Variants in STAT4 observed in about 807,000 individuals in gnomAD.
The protein encoded by STAT4 is signal transducer and activator of transcription 4.
STAT4 carries 42 observed loss-of-function variants against 110.5 expected under a neutral mutation model. That is an observed-to-expected ratio of 0.38 (90% CI 0.30 to 0.49). STAT4 has a LOEUF of 0.49. Ranked by LOEUF, STAT4 falls within the 20% of genes least tolerant of loss-of-function variation. STAT4 has a pLI of 0.95. For missense variants in STAT4, 632 were observed against 887.9 expected, an observed-to-expected ratio of 0.71 and a Z score of 3.66; for synonymous variants, 284 against 302.2, an observed-to-expected ratio of 0.94 and a Z score of 0.63.
rs1574197353 is a variant in STAT4 at position 191,140,561 on chromosome 2, G to C, written c.273+6052C>G. Among the ~76,000 whole-genome samples, 1 of 152,278 alleles carries C rather than the reference G, an allele frequency of 6.6e-6. No individual in the cohort carries two copies. Among genetic ancestry groups the C allele is most frequent in the Admixed American group, 6.5e-5 (1 of 15,290 alleles). Reference sequence around the variant, plus strand: ...ATGAGATACCACCTTACTCCTGCGAGAATGGCCATAATGAAAAAGTCAAAA... The same window carrying C: ...ATGAGATACCACCTTACTCCTGCGACAATGGCCATAATGAAAAAGTCAAAA... On this transcript the variant is annotated intron_variant, in intron 3 of 23. Coordinates refer to ENST00000392320, the MANE Select transcript of STAT4 (RefSeq NM_003151.4). The surrounding 1 kb of genome is among the most constrained non-coding windows in gnomAD (Gnocchi z 4.4).
Position 191,076,327 on chromosome 2 carries a change from T to TA in STAT4, c.274-3_274-2insT. ...CATTGGATTTCCATGAAATTTTCCC[T>TA]GAAAAAAAAAACAATGAGCAAAAAT... On this transcript the variant is annotated splice_region_variant and splice_polypyrimidine_tract_variant and intron_variant, in intron 3 of 23. Coordinates refer to ENST00000392320, the MANE Select transcript of STAT4 (RefSeq NM_003151.4). 1 of 1,587,978 alleles carries TA rather than the reference T, an allele frequency of 6.3e-7. No individual in the cohort carries two copies. The highest frequency in any genetic ancestry group is 1.4e-5 in the African/African-American group (1 of 72,604).
chr2:191,074,822 T>C (rs1697265959), intron 4 of STAT4, among the ~76,000 whole-genome samples: 1 of 152,152 alleles, frequency 6.6e-6, no homozygotes, highest in Admixed American at 6.5e-5. Context: ...AAAACAGCCA[T>C]AACCTGACAA....
rs191103137 is a variant in STAT4, at chr2:191,057,092, C to T, written c.1206+926G>A. Reference sequence around the variant, plus strand: ...GCCACCGTGCCCGGCCCCTTCTACGCTACTGAATATCAGAATTTATTCCTT... The same window carrying T: ...GCCACCGTGCCCGGCCCCTTCTACGTTACTGAATATCAGAATTTATTCCTT... On this transcript the variant is annotated intron_variant, in intron 13 of 23. Coordinates refer to ENST00000392320, the MANE Select transcript of STAT4 (RefSeq NM_003151.4). Among the ~76,000 whole-genome samples the T allele has an allele frequency of 7.7e-4, 117 of 152,230 alleles. 1 individual carries two copies. Among genetic ancestry groups the T allele is most frequent in the Non-Finnish European group, 6.0e-4 (41 of 68,004 alleles).
Position 191,058,176 on chromosome 2 carries a change from A to C in STAT4, c.1112+26T>G, listed in dbSNP as rs753847332. The C allele has an allele frequency of 3.7e-6, 6 of 1,614,008 alleles. No individual in the cohort carries two copies. In the Admixed American group the frequency reaches 8.3e-5, roughly 22 times the overall value. On this transcript the variant is annotated intron_variant, in intron 12 of 23. Coordinates refer to ENST00000392320, the MANE Select transcript of STAT4 (RefSeq NM_003151.4). The surrounding 1 kb of genome is among the most constrained non-coding windows in gnomAD (Gnocchi z 4.3). ...AAATAAATTTACAAGAGCAGCAACA[A>C]AGTTTCCACAAAGTAAATGTCTTAC...
intron 8 of STAT4, among the ~76,000 whole-genome samples, 162 bp downstream of exon 8, chr2:191,064,645 T>C (rs1696936994): frequency 6.6e-6 from 1 of 152,196 alleles, no homozygotes; most frequent in Non-Finnish European, 1.5e-5. Flanking sequence ...TAAGAACACT[T>C]ATACTATTTG....
chr2:191,116,621 A>C lies in STAT4; in HGVS notation c.273+29992T>G, dbSNP rs1175329111. On this transcript the variant is annotated intron_variant, in intron 3 of 23. Transcript: ENST00000392320. This position sits in a 1 kb window ranked among gnomAD's most constrained non-coding sequence, Gnocchi z 4.1. ...CCATCCCACTTAACTTTCTCGGTTA[A>C]AGCAGGACACCACTGAAGGCTGCTT... Among the ~76,000 whole-genome samples the C allele has an allele frequency of 3.9e-5, 6 of 152,310 alleles. No homozygotes were observed. Among genetic ancestry groups the C allele is most frequent in the South Asian group, 2.1e-4 (1 of 4,828 alleles).
chr2:191,055,109 T>C (rs1696643768), intron 13 of STAT4, among the ~76,000 whole-genome samples: 1 of 152,136 alleles, frequency 6.6e-6, no homozygotes, highest in African/African-American at 2.4e-5. Flanking sequence ...TATATAATTA[T>C]TTTAGAAAAA....
At chr2:191,131,196 G>A (rs1164888471) in intron 3 of STAT4, among the ~76,000 whole-genome samples, 1 of 151,726 alleles carries the variant, frequency 6.6e-6, no homozygotes, top group Non-Finnish European at 1.5e-5. Flanking sequence ...GCATGATTCA[G>A]CAATTCCACT....
In STAT4 at chr2:191,052,074, T is replaced by C. The variant is rs115772266; in HGVS notation, c.1251+2416A>G. Reference sequence around the variant, plus strand: ...ACTTTTTGAAACTTGAAAACGAGGTTACGATATTCTAGCTTCCTGTTTTCC... The same window carrying C: ...ACTTTTTGAAACTTGAAAACGAGGTCACGATATTCTAGCTTCCTGTTTTCC... On this transcript the variant is annotated intron_variant, in intron 14 of 23. Coordinates refer to ENST00000392320, the MANE Select transcript of STAT4 (RefSeq NM_003151.4). Among the ~76,000 whole-genome samples, 852 of 152,296 alleles carry C rather than the reference T, an allele frequency of 5.6e-3. 9 individuals carry two copies. The highest frequency in any genetic ancestry group is 0.02 in the African/African-American group (811 of 41,554).
chr2:191,070,014 C>G (rs981078876), intron 5 of STAT4, among the ~76,000 whole-genome samples: 1 of 152,202 alleles, frequency 6.6e-6, no homozygotes, highest in African/African-American at 2.4e-5. Flanking sequence ...CTTTCAGCAT[C>G]TACCTGCTCA....
intron 14 of STAT4, among the ~76,000 whole-genome samples, chr2:191,049,917 C>T (rs982035580): frequency 1.3e-5 from 2 of 152,144 alleles, no homozygotes; most frequent in African/African-American, 2.4e-5. Flanking sequence ...ATTAGTTCAG[C>T]GAGAAATCAA....
upstream of STAT4, chr2:191,151,192 C>G: frequency 1.0e-6 from 1 of 985,650 alleles, no homozygotes; most frequent in Non-Finnish European, 1.2e-6. The surrounding 1 kb of genome is among the most constrained non-coding windows in gnomAD (Gnocchi z 4.7). Flanking sequence ...CTTCACCGGG[C>G]GTCCTCTTCC....
In STAT4 at chr2:191,073,126, T is replaced by C. The variant is rs1449256873; in HGVS notation, c.437A>G (p.Lys146Arg). 6.2e-7 allele frequency: 1 copy of C among 1,614,024 alleles called. No individual in the cohort carries two copies. Residue 146 changes from lysine to arginine, a missense_variant, in exon 5 of 24, where the codon AAA becomes AGA. Transcript: ENST00000392320. ...CACACTGTTTTTAATGGCAGCCACTTTGTGCTCCACATTCCTCTGTCTTTC... is the reference window on the plus strand; with the variant it reads ...CACACTGTTTTTAATGGCAGCCACTCTGTGCTCCACATTCCTCTGTCTTTC... Reference protein sequence around the residue: ...VSERQRNVEHKVAAIKNSVQM... With the variant: ...VSERQRNVEHRVAAIKNSVQM...
chr2:191,102,305 C>T (rs919985929), intron 3 of STAT4, among the ~76,000 whole-genome samples: 4 of 151,994 alleles, frequency 2.6e-5, no homozygotes, highest in Non-Finnish European at 4.4e-5. Flanking sequence ...AGTTTTACTT[C>T]GTCATTTGTT....
In STAT4 at chr2:191,082,339, G is replaced by C. The variant is rs550967667; in HGVS notation, c.274-6014C>G. On this transcript the variant is annotated intron_variant, in intron 3 of 23. Coordinates refer to ENST00000392320, the MANE Select transcript of STAT4 (RefSeq NM_003151.4). The surrounding 1 kb of genome is among the most constrained non-coding windows in gnomAD (Gnocchi z 4.7). ...CTTTCTGCATACATAATAACTATTT[G>C]TTTGAATCCTAAATTATAGTGTTAT... 6.6e-6 allele frequency among the ~76,000 whole-genome samples: 1 copy of C among 152,202 alleles called. No homozygotes were observed. Among genetic ancestry groups the C allele is most frequent in the East Asian group, 1.9e-4 (1 of 5,188 alleles).
chr2:191,087,795 C>T (rs1697674708), intron 3 of STAT4, among the ~76,000 whole-genome samples: 2 of 151,850 alleles, frequency 1.3e-5, no homozygotes, highest in Non-Finnish European at 2.9e-5. Context: ...TGTCTTAAAG[C>T]TGATTAAAAT....
rs1047237267 is a variant in STAT4 at position 191,041,357 on chromosome 2, A to G, written c.1252-209T>C. The G allele has an allele frequency of 1.3e-5, 3 of 222,920 alleles. No individual in the cohort carries two copies. In the Admixed American group the frequency reaches 1.7e-4, roughly 12 times the overall value. 13.8% of individuals were successfully genotyped at this position (222,920 alleles called of 1,614,324 possible). On this transcript the variant is annotated intron_variant, in intron 14 of 23. Coordinates refer to ENST00000392320, the MANE Select transcript of STAT4 (RefSeq NM_003151.4). Reference sequence around the variant, plus strand: ...CATTTCCCCAAACAGAATGATTTTAAGTCTTCAAAACAAGATAATTTCTGG... The same window carrying G: ...CATTTCCCCAAACAGAATGATTTTAGGTCTTCAAAACAAGATAATTTCTGG...
chr2:191,122,156 A>G (rs1698753982), intron 3 of STAT4: 1 of 152,022 alleles, frequency 6.6e-6, no homozygotes, highest in Admixed American at 6.6e-5. Flanking sequence ...AAAACATCTC[A>G]TGTACCCCAC....
At chr2:191,134,304 C>T (rs556421062) in intron 3 of STAT4, among the ~76,000 whole-genome samples, 5 of 152,302 alleles carry the variant, frequency 3.3e-5, no homozygotes, top group South Asian at 4.1e-4. Flanking sequence ...ACTGCCTGCC[C>T]GGGGGTCCAA....
Sources: allele counts gnomAD v4.1 joint callset (sites outside exome capture counted in the v4.1 genomes callset), GRCh38; gene constraint gnomAD v4.1.1; non-coding constraint Gnocchi (gnomAD v3.1); transcripts MANE v1.5; gene names NCBI Gene and HGNC (gene_info 2026-07-23, HGNC 2026-07-21).